Variants in FARSB observed in about 807,000 individuals in gnomAD.
The protein encoded by FARSB is phenylalanyl-tRNA synthetase subunit beta, also known as phenylalanine--tRNA ligase beta subunit.
FARSB carries 40 observed loss-of-function variants against 69.6 expected under a neutral mutation model. That is an observed-to-expected ratio of 0.57 (90% CI 0.45 to 0.75). FARSB has a LOEUF of 0.75. Ranked by LOEUF, FARSB falls within the 30% of genes least tolerant of loss-of-function variation. FARSB has a pLI of 0.00. For missense variants in FARSB, 632 were observed against 722.9 expected, an observed-to-expected ratio of 0.87 and a Z score of 1.44; for synonymous variants, 235 against 247.2, an observed-to-expected ratio of 0.95 and a Z score of 0.46.
chr2:222,649,654 G>A (rs1017460552), intron 1 of FARSB, among the ~76,000 whole-genome samples: 1 of 152,170 alleles, frequency 6.6e-6, no homozygotes, highest in East Asian at 1.9e-4. Flanking sequence ...ATTATGGCAT[G>A]GTACTATTGG....
At chr2:222,615,933 T>C (rs2106211498) in intron 14 of FARSB, among the ~76,000 whole-genome samples, 1 of 152,312 alleles carries the variant, frequency 6.6e-6, no homozygotes, top group Middle Eastern at 3.4e-3. Flanking sequence ...CTTATTGAAA[T>C]ATAATAAACA....
intron 1 of FARSB, 42 bp from the exon 2 acceptor site, chr2:222,648,837 A>G (rs1374640112): frequency 3.7e-6 from 5 of 1,335,304 alleles, no homozygotes; most frequent in South Asian, 3.5e-5. Context: ...CACTCTGTTC[A>G]GTATAAGTGA....
chr2:222,600,148 C>T, intron 15 of FARSB, 65 bp from the exon 16 acceptor site: 1 of 1,318,868 alleles, frequency 7.6e-7, no homozygotes, highest in Non-Finnish European at 1.0e-6. Context: ...TGATTTACCC[C>T]AGTACAAACT....
chr2:222,654,536 A>G (rs1692120854), intron 1 of FARSB, among the ~76,000 whole-genome samples: 1 of 152,200 alleles, frequency 6.6e-6, no homozygotes, highest in South Asian at 2.1e-4. Context: ...ACCACATCCC[A>G]TTAGTGAGAA....
At chr2:222,653,241 A>C (rs1441424987) in intron 1 of FARSB, among the ~76,000 whole-genome samples, 1 of 152,256 alleles carries the variant, frequency 6.6e-6, no homozygotes, top group Admixed American at 6.5e-5. Flanking sequence ...AATAACCAAA[A>C]TGGCAAACAG....
chr2:222,592,825 A>G (rs1030749654), intron 16 of FARSB, among the ~76,000 whole-genome samples: 3 of 151,860 alleles, frequency 2.0e-5, no homozygotes, highest in African/African-American at 7.3e-5. Context: ...AGGTCTGAAA[A>G]TATTAAGTGG....
rs1689691143 is a variant in FARSB, at chr2:222,570,194, C to T, written c.*1677G>A. Reference sequence around the variant, plus strand: ...TGTCATCTTTTGGGAAATGTTTGCTCAACTCTTGCACATTTTTAAAAAACA... The same window carrying T: ...TGTCATCTTTTGGGAAATGTTTGCTTAACTCTTGCACATTTTTAAAAAACA... On this transcript the variant is annotated 3_prime_UTR_variant, in exon 17 of 17. Transcript: ENST00000281828. Among the ~76,000 whole-genome samples, 1 of 152,214 alleles carries T rather than the reference C, an allele frequency of 6.6e-6. No individual in the cohort carries two copies. Among genetic ancestry groups the T allele is most frequent in the African/African-American group, 2.4e-5 (1 of 41,446 alleles).
chr2:222,623,945 A>C (rs1691204581), intron 12 of FARSB, among the ~76,000 whole-genome samples: 1 of 152,008 alleles, frequency 6.6e-6, no homozygotes, highest in South Asian at 2.1e-4. Flanking sequence ...CTGCTCCTAC[A>C]CAGATGTACA....
chr2:222,655,627 A>G (rs550907232), intron 1 of FARSB, among the ~76,000 whole-genome samples: 7 of 152,194 alleles, frequency 4.6e-5, no homozygotes, highest in Non-Finnish European at 7.4e-5. Flanking sequence ...CCGCTGCACA[A>G]ATCTCTCCTC....
chr2:222,581,889 C>T (rs1689980472), intron 16 of FARSB, among the ~76,000 whole-genome samples: 1 of 152,170 alleles, frequency 6.6e-6, no homozygotes, highest in Non-Finnish European at 1.5e-5. Context: ...ACACCATTTC[C>T]CATCTGAAAG....
intron 15 of FARSB, among the ~76,000 whole-genome samples, chr2:222,610,497 AAAATAG>A (rs559786525): frequency 1.4e-3 from 210 of 152,132 alleles, no homozygotes; most frequent in African/African-American, 4.8e-3. Context: ...CTAAAAATAA[AAAATAG>A]AAAAAATAGA....
At chr2:222,652,437 A>G (rs937211005) in intron 1 of FARSB, among the ~76,000 whole-genome samples, 1 of 152,172 alleles carries the variant, frequency 6.6e-6, no homozygotes, top group Non-Finnish European at 1.5e-5. Flanking sequence ...TCTGTGATCA[A>G]GAGAATATGA....
intron 13 of FARSB, 48 bp downstream of exon 13, chr2:222,623,602 G>A: frequency 1.0e-6 from 1 of 966,392 alleles, no homozygotes; most frequent in Non-Finnish European, 1.7e-6. Flanking sequence ...ATAATTCAGA[G>A]AGTCTAAGTA....
intron 10 of FARSB, among the ~76,000 whole-genome samples, chr2:222,626,243 C>CA (rs36117232): frequency 0.34 from 19,231 of 56,796 alleles, 3,166 homozygotes; most frequent in Non-Finnish European, 0.44. Flanking sequence ...GACTCCATCT[C>CA]AAAAAAAAAA....
In FARSB at chr2:222,656,090, T is replaced by G. The variant is rs759473479; in HGVS notation, c.-17A>C. ...AGTCGGCATGGTGTGTCGAACTCAC[T>G]GCGCCTGCGCAGCGAGCTGACCCGG... is the stretch of plus-strand genomic sequence containing the variant. On this transcript the variant is annotated 5_prime_UTR_variant, in exon 1 of 17. Transcript: ENST00000281828. The G allele has an allele frequency of 1.5e-5, 23 of 1,577,118 alleles. No homozygotes were observed. In the Middle Eastern group the frequency reaches 8.3e-4, roughly 57 times the overall value.
At chr2:222,604,277 T>C (rs1168684316) in intron 15 of FARSB, among the ~76,000 whole-genome samples, 2 of 152,158 alleles carry the variant, frequency 1.3e-5, no homozygotes. Context: ...AAACAGATGT[T>C]TTATTTTCAA....
rs576389020 is a variant in FARSB at position 222,656,067 on chromosome 2, T to A, written c.7A>T (p.Thr3Ser). The change falls in exon 1 of 17, where the codon ACT becomes TCT. Residue 3 changes from threonine to serine, a missense_variant. Coordinates refer to ENST00000281828, the MANE Select transcript of FARSB (RefSeq NM_005687.5). The part of the protein sequence containing the change: MP[T>S]VSVKRDLLFQ... ...AGCAGATCACGCTTCACGCTGACAG[T>A]CGGCATGGTGTGTCGAACTCACTGC... 6.3e-7 allele frequency: 1 copy of A among 1,596,448 alleles called. No homozygotes were observed. The highest frequency in any genetic ancestry group is 8.5e-7 in the Non-Finnish European group (1 of 1,172,918).
At chr2:222,596,825 C>T (rs1379582753) in intron 16 of FARSB, among the ~76,000 whole-genome samples, 1 of 151,976 alleles carries the variant, frequency 6.6e-6, no homozygotes, top group Non-Finnish European at 1.5e-5. Flanking sequence ...TACACACACA[C>T]AAACACATAC....
At chr2:222,621,491 G>A (rs1414129749) in intron 13 of FARSB, among the ~76,000 whole-genome samples, 1 of 152,168 alleles carries the variant, frequency 6.6e-6, no homozygotes, top group Non-Finnish European at 1.5e-5. Context: ...CCAAAGTGCT[G>A]GGATTACAGG....
Sources: allele counts gnomAD v4.1 joint callset (sites outside exome capture counted in the v4.1 genomes callset), GRCh38; gene constraint gnomAD v4.1.1; transcripts MANE v1.5; gene names NCBI Gene and HGNC (gene_info 2026-07-23, HGNC 2026-07-21).